NKAIN3: variants seen among roughly 807,000 people sequenced by gnomAD.
NKAIN3 encodes the protein sodium/potassium-transporting ATPase subunit beta-1-interacting protein 3.
A neutral mutation model predicts 30.2 loss-of-function variants in NKAIN3; 25 were observed. That is an observed-to-expected ratio of 0.83 (90% CI 0.60 to 1.16). The LOEUF is 1.16. NKAIN3 is among the 50% of genes most tolerant of loss of function. The probability of loss-of-function intolerance (pLI) is 0.00; values close to 1 mark genes in which losing one functional copy is unlikely to be tolerated. For missense variants in NKAIN3, 225 were observed against 254.1 expected, an observed-to-expected ratio of 0.89 and a Z score of 0.78; for synonymous variants, 91 against 89.6, an observed-to-expected ratio of 1.02 and a Z score of -0.09.
chr8:62,632,747 C>A (rs1012083761), intron 3 of NKAIN3, among the ~76,000 whole-genome samples: 1 of 138,280 alleles, frequency 7.2e-6, no homozygotes, highest in East Asian at 1.9e-4. Flanking sequence ...AGGTGATCCA[C>A]CCCCCTCGGC....
At chr8:62,809,328 C>T (rs952304057) in intron 4 of NKAIN3, among the ~76,000 whole-genome samples, 1 of 152,178 alleles carries the variant, frequency 6.6e-6, no homozygotes, top group Non-Finnish European at 1.5e-5. Flanking sequence ...AAAGTAAAGA[C>T]AGGCATAGGA....
At chr8:62,726,696 T>G (rs1430807797) in intron 3 of NKAIN3, among the ~76,000 whole-genome samples, 3 of 152,042 alleles carry the variant, frequency 2.0e-5, no homozygotes, top group Non-Finnish European at 4.4e-5. Flanking sequence ...TGAAGGAAAT[T>G]CAATCAATAA....
At chr8:62,728,225 T>TA (rs1258998955) in intron 3 of NKAIN3, among the ~76,000 whole-genome samples, 3 of 152,106 alleles carry the variant, frequency 2.0e-5, no homozygotes, top group African/African-American at 7.2e-5. Context: ...AGAGAAAGTC[T>TA]AGATGATCTT....
chr8:62,290,703 T>G (rs34544123), intron 1 of NKAIN3, among the ~76,000 whole-genome samples: 13 of 152,170 alleles, frequency 8.5e-5, no homozygotes, highest in African/African-American at 2.7e-4. Context: ...AAAATTCTCT[T>G]TTTTTGTGTG....
intron 1 of NKAIN3, among the ~76,000 whole-genome samples, chr8:62,284,691 A>G (rs977824470): frequency 6.6e-6 from 1 of 152,102 alleles, no homozygotes; most frequent in African/African-American, 2.4e-5. Context: ...TTCAGGAAGT[A>G]AAGCTCATTC....
At chr8:62,461,439 A>T (rs994280285) in intron 1 of NKAIN3, among the ~76,000 whole-genome samples, 2 of 152,234 alleles carry the variant, frequency 1.3e-5, no homozygotes, top group African/African-American at 2.4e-5. Flanking sequence ...GGCACAAAAA[A>T]ACAGTGGCCC....
chr8:62,546,003 CT>C (rs1808998552), intron 1 of NKAIN3, among the ~76,000 whole-genome samples: 1 of 152,092 alleles, frequency 6.6e-6, no homozygotes, highest in African/African-American at 2.4e-5. Context: ...TACAAAAATA[CT>C]GGTTTTTATT....
intron 1 of NKAIN3, among the ~76,000 whole-genome samples, chr8:62,259,199 C>T (rs947517576): frequency 7.9e-5 from 12 of 152,068 alleles, no homozygotes; most frequent in African/African-American, 2.9e-4. Context: ...GTATTTTGGA[C>T]AACAATGAGA....
chr8:62,589,840 T>A (rs1203439022), intron 3 of NKAIN3, 46 bp downstream of exon 3: 5 of 989,810 alleles, frequency 5.1e-6, no homozygotes, highest in Admixed American at 1.9e-5. Context: ...TGAGTACACT[T>A]CTAAGTATTG....
intron 1 of NKAIN3, among the ~76,000 whole-genome samples, chr8:62,538,781 C>T (rs765661186): frequency 2.0e-5 from 3 of 152,228 alleles, no homozygotes; most frequent in African/African-American, 4.8e-5. Flanking sequence ...TTTTCCACAA[C>T]GAGTTTTTCC....
chr8:62,334,908 C>G (rs1410932245), intron 1 of NKAIN3, among the ~76,000 whole-genome samples: 1 of 152,020 alleles, frequency 6.6e-6, no homozygotes, highest in Non-Finnish European at 1.5e-5. Flanking sequence ...AACTGTATAT[C>G]TTAAATGACA....
intron 4 of NKAIN3, among the ~76,000 whole-genome samples, chr8:62,779,240 C>T (rs190248249): frequency 7.2e-5 from 11 of 152,198 alleles, no homozygotes; most frequent in African/African-American, 2.6e-4. Context: ...GTCACATGCT[C>T]CCCAAGTTCA....
intron 1 of NKAIN3, among the ~76,000 whole-genome samples, chr8:62,528,555 TTCTC>T (rs574822318): frequency 2.0e-5 from 3 of 151,754 alleles, no homozygotes; most frequent in African/African-American, 7.3e-5. Flanking sequence ...CTCCACCTTC[TTCTC>T]TCTCTAAGAA....
chr8:62,659,732 G>A (rs1812879847), intron 3 of NKAIN3, among the ~76,000 whole-genome samples: 1 of 152,144 alleles, frequency 6.6e-6, no homozygotes, highest in Non-Finnish European at 1.5e-5. Context: ...TCCCCACCCA[G>A]GTCTCATCTT....
In NKAIN3 at chr8:62,980,216, A is replaced by C. The variant is rs561872872; in HGVS notation, c.*14809A>C. 1 of 152,164 alleles carries C rather than the reference A, an allele frequency of 6.6e-6. No individual in the cohort carries two copies. The highest frequency in any genetic ancestry group is 1.9e-4 in the East Asian group (1 of 5,200). The allele number at this position is 152,164 out of a possible 1,614,324, so 9.4% of individuals were successfully genotyped here. On this transcript the variant is annotated 3_prime_UTR_variant, in exon 7 of 7. Transcript: ENST00000623646. ...TGCTGGGTGTCAGTCTCTTCTAAAA[A>C]TTTTGTTCCTAAGGAATTGATTTTG...
chr8:62,729,456 T>G (rs1815397320), intron 3 of NKAIN3, among the ~76,000 whole-genome samples: 1 of 152,144 alleles, frequency 6.6e-6, no homozygotes, highest in African/African-American at 2.4e-5. Context: ...TGGAAGACAG[T>G]TTGGTAGTTT....
intron 6 of NKAIN3, among the ~76,000 whole-genome samples, chr8:62,961,275 G>C (rs906099272): frequency 2.7e-5 from 4 of 149,226 alleles, no homozygotes; most frequent in African/African-American, 9.7e-5. Context: ...GTGAGACTCT[G>C]TCTCAAAAAA....
chr8:62,708,349 T>G (rs1190056606), intron 3 of NKAIN3, among the ~76,000 whole-genome samples: 1 of 152,192 alleles, frequency 6.6e-6, no homozygotes, highest in Non-Finnish European at 1.5e-5. Context: ...ATTCTACCCT[T>G]CCATGAGCAT....
At chr8:62,591,738 C>T (rs1176293924) in intron 3 of NKAIN3, among the ~76,000 whole-genome samples, 1 of 151,906 alleles carries the variant, frequency 6.6e-6, no homozygotes, top group Non-Finnish European at 1.5e-5. Flanking sequence ...AAAGGAGCAT[C>T]CTAAAGATTT....
Sources: gnomAD v4.1 joint callset for allele counts (sites outside exome capture counted in the v4.1 genomes callset) on GRCh38, gnomAD v4.1.1 for gene constraint, MANE v1.5 for transcripts, NCBI Gene and HGNC (gene_info 2026-07-23, HGNC 2026-07-21) for gene names.